SYT16: variants seen among roughly 807,000 people sequenced by gnomAD.
SYT16 encodes the protein synaptotagmin 16.
Under a neutral mutation model 61.4 loss-of-function variants are expected in SYT16, and 42 were observed. That is an observed-to-expected ratio of 0.68 (90% CI 0.53 to 0.89). SYT16 has a LOEUF of 0.89. SYT16 is among the 40% of genes least tolerant of loss of function. The pLI is 0.00. For missense variants in SYT16, 804 were observed against 807.3 expected (o/e 1.00, Z 0.05); for synonymous variants, 314 against 302.3 (o/e 1.04, Z -0.40).
chr14:62,042,147 C>T (rs1181888235), intron 3 of SYT16, among the ~76,000 whole-genome samples: 1 of 152,012 alleles, frequency 6.6e-6, no homozygotes, highest in Non-Finnish European at 1.5e-5. Context: ...ATTATCTTTT[C>T]TGCATCCCTA....
intron 7 of SYT16, among the ~76,000 whole-genome samples, chr14:62,093,744 A>G (rs1380982990): frequency 6.6e-6 from 1 of 152,190 alleles, no homozygotes; most frequent in Admixed American, 6.5e-5. Context: ...GATTATCTCA[A>G]TAGATGCAAA....
At chr14:61,967,558 G>A (rs532429763) in intron 1 of SYT16, among the ~76,000 whole-genome samples, 5 of 152,166 alleles carry the variant, frequency 3.3e-5, no homozygotes, top group Non-Finnish European at 5.9e-5. Context: ...TCCTTAACTC[G>A]AGGTTTTGTA....
At chr14:61,949,085 C>T (rs1481217688) in intron 1 of SYT16, among the ~76,000 whole-genome samples, 1 of 152,164 alleles carries the variant, frequency 6.6e-6, no homozygotes, top group Admixed American at 6.5e-5. Context: ...CACCAAGCAA[C>T]CTTTTGATCT....
intron 1 of SYT16, among the ~76,000 whole-genome samples, chr14:61,888,365 G>A (rs999274004): frequency 1.3e-5 from 2 of 152,004 alleles, no homozygotes; most frequent in Non-Finnish European, 2.9e-5. Flanking sequence ...AGATCTGCCC[G>A]CCTTGGTCTC....
At chr14:62,078,081 T>C (rs1326191064) in intron 5 of SYT16, among the ~76,000 whole-genome samples, 1 of 149,808 alleles carries the variant, frequency 6.7e-6, no homozygotes, top group East Asian at 2.0e-4. Context: ...ACCTTCCGTC[T>C]TCTCCCCCTT....
chr14:61,840,157 A>C (rs1317427685), intron 1 of SYT16, among the ~76,000 whole-genome samples: 1 of 152,208 alleles, frequency 6.6e-6, no homozygotes, highest in African/African-American at 2.4e-5. Flanking sequence ...AACTGGTGGG[A>C]TGAAAATCAC....
At chr14:62,087,390 G>A (rs563319558) in intron 7 of SYT16, among the ~76,000 whole-genome samples, 5 of 152,190 alleles carry the variant, frequency 3.3e-5, no homozygotes, top group South Asian at 4.1e-4. Context: ...GCCGGCCAGG[G>A]GAACTTGTAC....
intron 3 of SYT16, among the ~76,000 whole-genome samples, chr14:62,035,361 A>G (rs911861495): frequency 3.3e-5 from 5 of 152,136 alleles, no homozygotes; most frequent in Non-Finnish European, 4.4e-5. Flanking sequence ...TGTCCTAATT[A>G]TTTGGTCAGA....
rs1029146029 is a variant in SYT16, at chr14:62,103,341, C to G, written c.*2634C>G. ...ATTTCTTCCAGCTAATGATTAATATCTCATAGGGAGATTTGACATTGAAGC... is the reference window on the plus strand; with the variant it reads ...ATTTCTTCCAGCTAATGATTAATATGTCATAGGGAGATTTGACATTGAAGC... On this transcript the variant is annotated 3_prime_UTR_variant, in exon 8 of 8. Transcript: ENST00000683842. 1.8e-4 allele frequency: 28 copies of G among 152,284 alleles called. No individual in the cohort carries two copies. The highest frequency in any genetic ancestry group is 3.6e-4 in the African/African-American group (15 of 41,548). 9.4% of individuals were successfully genotyped at this position (152,284 alleles called of 1,614,324 possible).
intron 3 of SYT16, among the ~76,000 whole-genome samples, chr14:62,061,931 A>G (rs955029385): frequency 6.6e-6 from 1 of 150,692 alleles, no homozygotes; most frequent in African/African-American, 2.5e-5. Context: ...CCATGCCTTC[A>G]AATAGTTGAC....
intron 1 of SYT16, among the ~76,000 whole-genome samples, chr14:61,936,294 A>T (rs966591519): frequency 1.3e-5 from 2 of 152,142 alleles, no homozygotes; most frequent in Non-Finnish European, 2.9e-5. Context: ...ATGAGGAGTC[A>T]TCATTTTCTG....
chr14:61,849,905 A>C (rs2046560273), intron 1 of SYT16, among the ~76,000 whole-genome samples: 1 of 151,996 alleles, frequency 6.6e-6, no homozygotes, highest in Admixed American at 6.6e-5. Context: ...TGCTGCCTCC[A>C]CTTCCACAGG....
At chr14:61,904,525 G>A (rs897206231) in intron 1 of SYT16, among the ~76,000 whole-genome samples, 1 of 152,192 alleles carries the variant, frequency 6.6e-6, no homozygotes, top group Non-Finnish European at 1.5e-5. Flanking sequence ...TGTGAGTGCT[G>A]GCTTTTGCTG....
chr14:61,838,533 C>A (rs924506472), intron 1 of SYT16, among the ~76,000 whole-genome samples: 1 of 152,300 alleles, frequency 6.6e-6, no homozygotes, highest in South Asian at 2.1e-4. Flanking sequence ...CAGGTGGGAA[C>A]GAGGTCTGTG....
At chr14:61,866,776 T>C (rs1421281224) in intron 1 of SYT16, among the ~76,000 whole-genome samples, 1 of 152,092 alleles carries the variant, frequency 6.6e-6, no homozygotes, top group Non-Finnish European at 1.5e-5. Flanking sequence ...TAAAATCCAA[T>C]TATTTTTTCT....
At chr14:61,863,675 A>G (rs2047036194) in intron 1 of SYT16, among the ~76,000 whole-genome samples, 1 of 152,236 alleles carries the variant, frequency 6.6e-6, no homozygotes, top group Non-Finnish European at 1.5e-5. Context: ...CCGCATGTAA[A>G]AAATCATCAC....
chr14:62,082,688 G>C (rs2056751183), intron 6 of SYT16, among the ~76,000 whole-genome samples: 1 of 152,208 alleles, frequency 6.6e-6, no homozygotes, highest in East Asian at 1.9e-4. Flanking sequence ...CATCGGAAAT[G>C]ATGGAAAACA....
Position 61,812,788 on chromosome 14 carries a change from T to A in SYT16, c.-347T>A, listed in dbSNP as rs1460579445. 2.0e-5 allele frequency: 3 copies of A among 151,648 alleles called. No homozygotes were observed. The highest frequency in any genetic ancestry group is 7.3e-5 in the African/African-American group (3 of 41,368). The allele number at this position is 151,648 out of a possible 1,614,324, so 9.4% of individuals were successfully genotyped here. On this transcript the variant is annotated 5_prime_UTR_variant, in exon 1 of 8. Coordinates refer to ENST00000683842, the MANE Select transcript of SYT16 (RefSeq NM_001367656.1). ...CCTGGGCGGCCGTCGGGCAGCCCCC[T>A]CGTCCGACCATGGCGACTGACAGTG...
chr14:62,049,948 T>C (rs567014621), intron 3 of SYT16, among the ~76,000 whole-genome samples: 1 of 152,306 alleles, frequency 6.6e-6, no homozygotes, highest in East Asian at 1.9e-4. Flanking sequence ...CAATTATGTG[T>C]CTTGGAGTTG....
Sources: allele counts gnomAD v4.1 joint callset (sites outside exome capture counted in the v4.1 genomes callset), GRCh38; gene constraint gnomAD v4.1.1; transcripts MANE v1.5; gene names NCBI Gene and HGNC (gene_info 2026-07-23, HGNC 2026-07-21).